C11orf65: variants seen among roughly 807,000 people sequenced by gnomAD.
The protein encoded by C11orf65 is protein MFI.
In C11orf65, 38 loss-of-function variants were observed where a neutral mutation model predicts 35.3. The ratio of observed to expected loss-of-function variants is 1.08; its 90% CI spans 0.83 to 1.41. C11orf65 has a LOEUF of 1.41. C11orf65 is among the 40% of genes most tolerant of loss of function. The pLI is 0.00. For synonymous variants in C11orf65, 105 were observed against 114.4 expected (o/e 0.92, Z 0.53); for missense variants, 370 against 367.1 (o/e 1.01, Z -0.06).
chr11:108,370,270 T>C (rs979324903), intron 2 of C11orf65, among the ~76,000 whole-genome samples: 2 of 152,082 alleles, frequency 1.3e-5, no homozygotes, highest in Non-Finnish European at 2.9e-5. Context: ...TTTTTACATA[T>C]TGATTTTTCT....
chr11:108,337,575 T>G (rs1036262251), intron 2 of C11orf65, among the ~76,000 whole-genome samples: 1 of 152,188 alleles, frequency 6.6e-6, no homozygotes, highest in Non-Finnish European at 1.5e-5. Flanking sequence ...AGATACCAGT[T>G]ATGTTGATGC....
At chr11:108,448,121 C>T (rs1327948609) in intron 2 of C11orf65, among the ~76,000 whole-genome samples, 1 of 152,134 alleles carries the variant, frequency 6.6e-6, no homozygotes, top group Non-Finnish European at 1.5e-5. Context: ...ATAACAGGAT[C>T]TGAAATTGTG....
chr11:108,380,355 C>T (rs760653390), downstream of C11orf65, among the ~76,000 whole-genome samples: 10 of 152,170 alleles, frequency 6.6e-5, no homozygotes, highest in Non-Finnish European at 1.2e-4. Flanking sequence ...TGGGCAGTGG[C>T]AAATTGACTC....
intron 2 of C11orf65, chr11:108,367,944 G>A (rs2091418255): frequency 4.9e-6 from 1 of 205,554 alleles, no homozygotes; most frequent in Non-Finnish European, 1.0e-5. Context: ...AGAAAGCCCT[G>A]AAATCTTCAT....
At chr11:108,397,661 A>T (rs1037016829) in intron 6 of C11orf65, among the ~76,000 whole-genome samples, 1 of 152,074 alleles carries the variant, frequency 6.6e-6, no homozygotes, top group African/African-American at 2.4e-5. Context: ...TCTCAGCAAC[A>T]GTCAGAATGA....
chr11:108,449,140 C>T (rs543173352), intron 2 of C11orf65, among the ~76,000 whole-genome samples: 3 of 152,124 alleles, frequency 2.0e-5, no homozygotes, highest in Admixed American at 6.5e-5. Context: ...AAAGAGGATA[C>T]AAACAAATGG....
rs192513490 is a variant in C11orf65, at chr11:108,356,407, G to A, written c.227-21115C>T. Among the ~76,000 whole-genome samples the A allele has an allele frequency of 2.1e-3, 326 of 152,070 alleles. 4 individuals are homozygous for A. The highest frequency in any genetic ancestry group is 7.6e-3 in the African/African-American group (314 of 41,462). On this transcript the variant is annotated intron_variant, in intron 2 of 3. Transcript: ENST00000524755. ...AAAAATTAGCTGGGCGTGATGGCGG[G>A]CACCTGTAATCCCAGCTACTCAGGA...
At chr11:108,433,808 T>C (rs550549531) in intron 2 of C11orf65, among the ~76,000 whole-genome samples, 1 of 151,858 alleles carries the variant, frequency 6.6e-6, no homozygotes, top group South Asian at 2.1e-4. Flanking sequence ...TCACTTGCAG[T>C]ACAGAGAGGA....
intron 6 of C11orf65, among the ~76,000 whole-genome samples, chr11:108,403,091 G>A (rs1311134934): frequency 6.6e-6 from 1 of 152,080 alleles, no homozygotes; most frequent in Non-Finnish European, 1.5e-5. Flanking sequence ...TTTCTCTTGG[G>A]TAAGCATGTA....
chr11:108,395,310 G>A (rs1160743617), intron 6 of C11orf65, among the ~76,000 whole-genome samples: 1 of 151,804 alleles, frequency 6.6e-6, no homozygotes, highest in Non-Finnish European at 1.5e-5. Context: ...GGGTAAAATA[G>A]GGACAACCTG....
At chr11:108,442,583 G>A (rs188550562) in intron 2 of C11orf65, among the ~76,000 whole-genome samples, 27 of 152,162 alleles carry the variant, frequency 1.8e-4, no homozygotes, top group Admixed American at 8.5e-4. Flanking sequence ...GAGAAAGGTC[G>A]GGTTACCCAC....
chr11:108,438,596 A>G (rs2093102799), intron 2 of C11orf65, among the ~76,000 whole-genome samples: 1 of 152,182 alleles, frequency 6.6e-6, no homozygotes, highest in African/African-American at 2.4e-5. Flanking sequence ...TAAAGCCATA[A>G]AACTCCTAGA....
downstream of C11orf65, among the ~76,000 whole-genome samples, chr11:108,381,692 T>C (rs148847748): frequency 3.4e-4 from 52 of 152,374 alleles, 1 homozygote; most frequent in East Asian, 9.2e-3. Flanking sequence ...AAATAAACTA[T>C]CTGTACCAAT....
At chr11:108,416,899 A>G (rs189347547) in intron 3 of C11orf65, among the ~76,000 whole-genome samples, 10 of 152,338 alleles carry the variant, frequency 6.6e-5, no homozygotes, top group Admixed American at 6.5e-4. Flanking sequence ...AATTTAAAAG[A>G]ACAACAGCAA....
intron 2 of C11orf65, chr11:108,355,137 T>A: frequency 2.1e-6 from 1 of 475,516 alleles, no homozygotes; most frequent in South Asian, 2.5e-5. Flanking sequence ...AATCAATTCT[T>A]TGACATTTAG....
chr11:108,343,192 A>T, intron 2 of C11orf65: 1 of 1,612,970 alleles, frequency 6.2e-7, no homozygotes, highest in Non-Finnish European at 8.5e-7. Context: ...GGCCTTTTAA[A>T]ATTAAAAGGT....
chr11:108,398,565 C>A (rs1156998943), intron 6 of C11orf65, among the ~76,000 whole-genome samples: 1 of 152,184 alleles, frequency 6.6e-6, no homozygotes, highest in Non-Finnish European at 1.5e-5. Context: ...TAAATAAACA[C>A]AGGAAAGAAG....
At chr11:108,334,700 CCTT>C (rs1166276157) in intron 3 of C11orf65, among the ~76,000 whole-genome samples, 3 of 152,222 alleles carry the variant, frequency 2.0e-5, no homozygotes, top group South Asian at 4.1e-4. Flanking sequence ...CCAGAAAACT[CCTT>C]CTACTGTTTT....
At chr11:108,338,348 T>G (rs932172365) in intron 2 of C11orf65, among the ~76,000 whole-genome samples, 20 of 152,022 alleles carry the variant, frequency 1.3e-4, no homozygotes, top group African/African-American at 4.8e-4. Flanking sequence ...CGAGACTTCT[T>G]CTCAAAAAAG....
Sources: allele counts gnomAD v4.1 joint callset (sites outside exome capture counted in the v4.1 genomes callset), GRCh38; gene constraint gnomAD v4.1.1; transcripts MANE v1.5; gene names NCBI Gene and HGNC (gene_info 2026-07-23, HGNC 2026-07-21).